HTR3E: variants seen among roughly 807,000 people sequenced by gnomAD.
The protein encoded by HTR3E is 5-hydroxytryptamine (serotonin) receptor 3, family member E.
Under a neutral mutation model 38.0 loss-of-function variants are expected in HTR3E, and 38 were observed. The observed-to-expected ratio is 1.00, with a 90% CI of 0.77 to 1.31. HTR3E has a LOEUF of 1.31. HTR3E is among the 50% of genes most tolerant of loss of function. The pLI is 0.00. For synonymous variants in HTR3E, 210 were observed against 232.9 expected (o/e 0.90, Z 0.89); for missense variants, 547 against 585.2 (o/e 0.93, Z 0.67).
chr3:184,104,716 CAAAAAAAAAAA>C (rs66667882), intron 4 of HTR3E, 60 bp from the exon 5 acceptor site: 21 of 837,444 alleles, frequency 2.5e-5, no homozygotes, highest in African/African-American at 6.4e-5. Context: ...GATCCTGTCT[CAAAAAAAAAAA>C]AAAAAAAAAA....
chr3:184,104,738 A>G, intron 4 of HTR3E, 49 bp from the exon 5 acceptor site: 6 of 1,306,424 alleles, frequency 4.6e-6, no homozygotes, highest in Non-Finnish European at 6.2e-6. Context: ...AAAAAAAAAA[A>G]GAGAGAGAGA....
chr3:184,105,300 T>C lies in HTR3E; in HGVS notation c.593T>C (p.Val198Ala), dbSNP rs749450885. Residue 198 changes from valine (V) to alanine (A), a missense_variant, in exon 6 of 9, where the codon GTG (valine) becomes GCG (alanine). By Grantham distance (64) the Val-to-Ala change is moderately conservative (BLOSUM62 0). Coordinates refer to ENST00000415389, the MANE Select transcript of HTR3E (RefSeq NM_001256613.2). ...ATGTTGCTGGACATGGAGAAAGAAG[T>C]GTGGGAAATAACAGACGCATCCCGG... is the stretch of plus-strand genomic sequence containing the variant. Reference protein sequence around the residue: ...DSMLLDMEKEVWEITDASRNI... With the variant: ...DSMLLDMEKEAWEITDASRNI... 3.1e-6 allele frequency: 5 copies of C among 1,613,752 alleles called. No individual in the cohort carries two copies. In the East Asian group the frequency reaches 8.9e-5, roughly 29 times the overall value.
At position 184,101,528 on chromosome 3, in the gene HTR3E, T is replaced by C; in HGVS notation, c.278T>C (p.Met93Thr). The C allele has an allele frequency of 6.2e-7, 1 of 1,610,702 alleles. No individual in the cohort carries two copies. The highest frequency in any genetic ancestry group is 2.2e-5 in the East Asian group (1 of 44,866). Residue 93 changes from methionine to threonine, a missense_variant and splice_region_variant, in exon 3 of 9, where the codon ATG (methionine) becomes ACG (threonine). Transcript: ENST00000415389. ...HLLSSFLWLE[M>T]VWDNPFISWN... The stretch of plus-strand genomic sequence containing the variant: ...TTGTCATCATTCCTGTGGCTGGAAA[T>C]GGTATGGACAACACTTTATTCTCTC...
chr3:184,101,959 C>A (rs569740072), intron 3 of HTR3E, among the ~76,000 whole-genome samples: 2 of 152,308 alleles, frequency 1.3e-5, no homozygotes, highest in South Asian at 4.1e-4. Context: ...CACTGCGCTC[C>A]AGGCTGAGCA....
rs778589697 is a variant in HTR3E at position 184,104,965 on chromosome 3, C to T, written c.559+9C>T. 1.9e-6 allele frequency: 3 copies of T among 1,608,356 alleles called. No individual in the cohort carries two copies. In the African/African-American group the frequency reaches 4.0e-5, roughly 21 times the overall value. ...CTCATTCCTCTACACAGGTAAGTTG[C>T]AGTGAGGTCTCAGGGATGGGGTGAA... On this transcript the variant is annotated intron_variant, in intron 5 of 8. Transcript: ENST00000415389.
At position 184,100,584 on chromosome 3, in the gene HTR3E, C is replaced by T. The variant is rs755326873; in HGVS notation, c.167C>T (p.Pro56Leu). The T allele has an allele frequency of 8.7e-6, 14 of 1,614,166 alleles. No homozygotes were observed. In the East Asian group the frequency reaches 8.9e-5, roughly 10 times the overall value. The change falls in exon 2 of 9, where the codon CCG becomes CTG. Residue 56 changes from proline (P) to leucine (L), a missense_variant. Pro to Leu is a moderately conservative substitution (Grantham distance 98). Coordinates refer to ENST00000415389, the MANE Select transcript of HTR3E (RefSeq NM_001256613.2). ...GTGTTTAATAGAAAGCCCTTCCGTC[C>T]GGTCACCAACATCAGCGTCCCCACC... ...NSVFNRKPFR[P>L]VTNISVPTQV...
At chr3:184,097,757 T>C (rs1322906696) in intron 1 of HTR3E, among the ~76,000 whole-genome samples, 161 bp downstream of exon 1, 2 of 152,176 alleles carry the variant, frequency 1.3e-5, no homozygotes, top group African/African-American at 4.8e-5. Context: ...GACTTTCCTT[T>C]TCTGAAAGAC....
Position 184,106,916 on chromosome 3 carries a change from T to G in HTR3E, c.*223T>G, listed in dbSNP as rs1479645639. The stretch of plus-strand genomic sequence containing the variant: ...TTCCTTCAGTCCTACCATATGGTTC[T>G]AGGTCCCTCTTACGTCATCTGCATA... On this transcript the variant is annotated 3_prime_UTR_variant, in exon 9 of 9. Transcript: ENST00000415389. This position sits in a 1 kb window ranked among gnomAD's most constrained non-coding sequence, Gnocchi z 4.1. 3 of 584,276 alleles carry G rather than the reference T, an allele frequency of 5.1e-6. No homozygotes were observed. The African/African-American group carries it at 5.6e-5, about 11-fold the overall frequency. The allele number at this position is 584,276 out of a possible 1,614,324, so 36.2% of individuals were successfully genotyped here.
chr3:184,105,623 A>T (rs1189762345), intron 6 of HTR3E, 142 bp from the exon 7 acceptor site: 4 of 921,916 alleles, frequency 4.3e-6, no homozygotes, highest in Admixed American at 2.3e-5. Flanking sequence ...CCAGATTCTA[A>T]AGCTGCATTC....
At chr3:184,102,613 TA>T (rs1712119934) in intron 3 of HTR3E, among the ~76,000 whole-genome samples, 1 of 147,752 alleles carries the variant, frequency 6.8e-6, no homozygotes. Flanking sequence ...ACATGTACCC[TA>T]AAACTTAAAG....
intron 5 of HTR3E, 93 bp downstream of exon 5, chr3:184,105,049 TG>T: frequency 2.3e-6 from 3 of 1,324,584 alleles, no homozygotes; most frequent in Non-Finnish European, 3.1e-6. Flanking sequence ...GGAGTATGGG[TG>T]GGGAGAAGAA....
intron 1 of HTR3E, among the ~76,000 whole-genome samples, chr3:184,099,332 A>T (rs1371369417): frequency 6.6e-6 from 1 of 151,022 alleles, no homozygotes; most frequent in Non-Finnish European, 1.5e-5. Flanking sequence ...CCAGAGGCTG[A>T]GGCCAAGTGA....
At position 184,106,241 on chromosome 3, in the gene HTR3E, C is replaced by T; in HGVS notation, c.1039C>T (p.Leu347Phe). The T allele has an allele frequency of 1.2e-6, 2 of 1,612,948 alleles. No individual in the cohort carries two copies. Among genetic ancestry groups the T allele is most frequent in the South Asian group, 1.1e-5 (1 of 91,016 alleles). Reference protein sequence around the residue: ...TTQPPPLPRWLHSLLLHCNSP... With the variant: ...TTQPPPLPRWFHSLLLHCNSP... ...CCAGCCCCCACCCCTGCCTCGGTGGCTCCACTCCCTGCTGCTCCACTGCAA... is the reference window on the plus strand; with the variant it reads ...CCAGCCCCCACCCCTGCCTCGGTGGTTCCACTCCCTGCTGCTCCACTGCAA... The change falls in exon 8 of 9, where the codon CTC becomes TTC. Residue 347 changes from leucine (L) to phenylalanine (F), a missense_variant. Transcript: ENST00000415389. The surrounding 1 kb of genome is among the most constrained non-coding windows in gnomAD (Gnocchi z 4.1).
rs1712258551 is a variant in HTR3E at position 184,104,189 on chromosome 3, A to G, written c.287A>G (p.Asp96Gly). The G allele has an allele frequency of 6.2e-7, 1 of 1,610,074 alleles. No individual in the cohort carries two copies. The highest frequency in any genetic ancestry group is 1.3e-5 in the African/African-American group (1 of 74,754). Residue 96 changes from aspartate to glycine, a missense_variant, in exon 4 of 9, where the codon GAT (aspartate) becomes GGT (glycine). Physicochemically the swap from Asp to Gly is moderately conservative, Grantham distance 94 (BLOSUM62 -1). Transcript: ENST00000415389. The part of the protein sequence containing the change: ...SSFLWLEMVW[D>G]NPFISWNPEE... ...CCTCCACCTGGGCTCTAGGTTTGGG[A>G]TAACCCATTTATCAGCTGGAACCCA...
chr3:184,099,629 G>A (rs1457838310), intron 1 of HTR3E, among the ~76,000 whole-genome samples: 7 of 146,490 alleles, frequency 4.8e-5, no homozygotes, highest in Non-Finnish European at 1.0e-4. Flanking sequence ...CAGGAGAATG[G>A]CGTGAACCCG....
In HTR3E at chr3:184,104,862, C is replaced by A; in HGVS notation, c.465C>A (p.Pro155=). 1 of 1,614,062 alleles carries A rather than the reference C, an allele frequency of 6.2e-7. No individual in the cohort carries two copies. The highest frequency in any genetic ancestry group is 8.5e-7 in the Non-Finnish European group (1 of 1,179,980). The part of the protein sequence containing the change: ...SNEGRIRYKK[P]MKVDSICNLD... ...AAGGTCGCATCAGGTATAAGAAACC[C>A]ATGAAGGTGGACAGTATCTGTAACC... The change falls in exon 5 of 9, where the codon CCC becomes CCA. Residue 155 remains proline, a synonymous_variant. Transcript: ENST00000415389.
At position 184,100,600 on chromosome 3, in the gene HTR3E, C is replaced by T. The variant is rs370719790; in HGVS notation, c.183C>T (p.Ser61=). The part of the protein sequence containing the change: ...RKPFRPVTNI[S]VPTQVNISFA... Reference sequence around the variant, plus strand: ...CCTTCCGTCCGGTCACCAACATCAGCGTCCCCACCCAAGTCAACATCTCCT... The same window carrying T: ...CCTTCCGTCCGGTCACCAACATCAGTGTCCCCACCCAAGTCAACATCTCCT... Residue 61 remains serine (S), a synonymous_variant, in exon 2 of 9, where the codon AGC becomes AGT. Coordinates refer to ENST00000415389, the MANE Select transcript of HTR3E (RefSeq NM_001256613.2). The T allele has an allele frequency of 4.3e-6, 7 of 1,613,936 alleles. No individual in the cohort carries two copies. In the South Asian group the frequency reaches 5.5e-5, roughly 13 times the overall value.
At chr3:184,105,222 G>T in intron 5 of HTR3E, 45 bp from the exon 6 acceptor site, 1 of 1,555,438 alleles carries the variant, frequency 6.4e-7, no homozygotes, top group Non-Finnish European at 8.7e-7. Context: ...GAGCCACCAG[G>T]AAACTATCTC....
chr3:184,098,392 T>A (rs940404103), intron 1 of HTR3E, among the ~76,000 whole-genome samples: 7 of 152,202 alleles, frequency 4.6e-5, no homozygotes, highest in Non-Finnish European at 8.8e-5. Flanking sequence ...AAAGTGCCAA[T>A]AACTGTCATC....
Sources: gnomAD v4.1 joint callset for allele counts (sites outside exome capture counted in the v4.1 genomes callset) on GRCh38, gnomAD v4.1.1 for gene constraint, Gnocchi (gnomAD v3.1) non-coding constraint, MANE v1.5 for transcripts, NCBI Gene and HGNC (gene_info 2026-07-23, HGNC 2026-07-21) for gene names.